The following FBXW7 variants were observed in gnomAD, a reference collection of about 807,000 sequenced individuals.
FBXW7 encodes F-box and WD repeat domain containing 7, also known as F-box/WD repeat-containing protein 7.
FBXW7 carries 11 observed loss-of-function variants against 86.3 expected under a neutral mutation model. That is an observed-to-expected ratio of 0.13 (90% confidence interval 0.08 to 0.21). The LOEUF is 0.21. Among genes scored for constraint, FBXW7 ranks in the 10% least tolerant of loss-of-function variants. The probability of loss-of-function intolerance (pLI) is 1.00; values close to 1 mark genes in which losing one functional copy is unlikely to be tolerated. For synonymous variants in FBXW7, 313 were observed against 297.9 expected, an observed-to-expected ratio of 1.05 and a Z score of -0.52; for missense variants, 488 against 847.4, an observed-to-expected ratio of 0.58 and a Z score of 5.27.
intron 6 of FBXW7, among the ~76,000 whole-genome samples, chr4:152,339,758 A>G (rs1730524559): frequency 1.3e-5 from 2 of 152,036 alleles, no homozygotes; most frequent in South Asian, 4.2e-4. Flanking sequence ...GCCTGGCAAC[A>G]TAACGAGACC....
intron 2 of FBXW7, among the ~76,000 whole-genome samples, chr4:152,439,941 C>T (rs1217621534): frequency 6.6e-6 from 1 of 151,454 alleles, no homozygotes. Context: ...TCCATATGTG[C>T]TGTTATGGGG....
intron 4 of FBXW7, among the ~76,000 whole-genome samples, chr4:152,405,379 G>C (rs1315763821): frequency 1.3e-5 from 2 of 152,126 alleles, no homozygotes; most frequent in Admixed American, 1.3e-4. Flanking sequence ...ACTTCGATTT[G>C]AAGGATATGG....
chr4:152,417,945 G>A (rs899767912), intron 2 of FBXW7, among the ~76,000 whole-genome samples: 15 of 152,190 alleles, frequency 9.9e-5, no homozygotes, highest in Admixed American at 3.9e-4. Context: ...GATTCCCTGC[G>A]CATCAAATCT....
At chr4:152,334,074 C>A (rs1382603384) in intron 7 of FBXW7, among the ~76,000 whole-genome samples, 1 of 152,008 alleles carries the variant, frequency 6.6e-6, no homozygotes, top group Non-Finnish European at 1.5e-5. Flanking sequence ...ACAACAACAA[C>A]AACAACAACT....
Position 152,411,726 on chromosome 4 carries a change from G to A in FBXW7, c.78C>T (p.Ser26=), listed in dbSNP as rs376591844. Residue 26 remains serine, a synonymous_variant, in exon 4 of 14, where the codon AGC becomes AGT. Coordinates refer to ENST00000281708, the MANE Select transcript of FBXW7 (RefSeq NM_001349798.2). ...GATTCATCTGTTCTTCATCTACCTG[G>A]CTTGAGGAAGGGTTACCTCTCAGAG... ...GGSLRGNPSS[S]QVDEEQMNRV... is the part of the protein sequence containing the mutation. 6.2e-7 allele frequency: 1 copy of A among 1,613,426 alleles called. No individual in the cohort carries two copies. Among genetic ancestry groups the A allele is most frequent in the Admixed American group, 1.7e-5 (1 of 59,882 alleles).
rs963091233 is a variant in FBXW7, at chr4:152,535,652, T to G, written c.-738A>C. 9 of 396,362 alleles carry G rather than the reference T, an allele frequency of 2.3e-5. No homozygotes were observed. Among genetic ancestry groups the G allele is most frequent in the African/African-American group, 1.7e-4 (8 of 48,464 alleles). 24.6% of individuals were successfully genotyped at this position (396,362 alleles called of 1,614,324 possible). On this transcript the variant is annotated 5_prime_UTR_variant, in exon 1 of 14. Transcript: ENST00000281708. ...CGCTCCCGGCTCCCGCATGTGTCGC[T>G]GCGGCTGGGACCCCCCTCCCTACAC... is the stretch of plus-strand genomic sequence containing the variant.
At chr4:152,483,755 A>G (rs1014251565) in intron 2 of FBXW7, among the ~76,000 whole-genome samples, 4 of 152,010 alleles carry the variant, frequency 2.6e-5, no homozygotes, top group African/African-American at 4.8e-5. Flanking sequence ...GTGTGTGTGC[A>G]CACACACACT....
At chr4:152,459,651 G>A (rs1424067997) in intron 2 of FBXW7, among the ~76,000 whole-genome samples, 1 of 152,110 alleles carries the variant, frequency 6.6e-6, no homozygotes, top group Non-Finnish European at 1.5e-5. Flanking sequence ...CCCCCCAGTG[G>A]ATGCTTGAAA....
At chr4:152,327,558 A>G (rs997877373) in intron 11 of FBXW7, among the ~76,000 whole-genome samples, 1 of 152,062 alleles carries the variant, frequency 6.6e-6, no homozygotes. Flanking sequence ...GAGAAAGTCA[A>G]AAAGTCCAGT....
At chr4:152,354,670 A>G (rs964514344) in intron 4 of FBXW7, among the ~76,000 whole-genome samples, 3 of 152,198 alleles carry the variant, frequency 2.0e-5, no homozygotes, top group Non-Finnish European at 4.4e-5. Context: ...CCTAAAGAAA[A>G]TATCTCTTAA....
intron 2 of FBXW7, among the ~76,000 whole-genome samples, chr4:152,523,576 T>C (rs1156895938): frequency 1.3e-5 from 2 of 152,162 alleles, no homozygotes; most frequent in Admixed American, 1.3e-4. Context: ...ATTTAAGTAG[T>C]AAGTCAAGGA....
At chr4:152,481,417 A>G (rs1744865158) in intron 2 of FBXW7, among the ~76,000 whole-genome samples, 1 of 152,208 alleles carries the variant, frequency 6.6e-6, no homozygotes, top group Non-Finnish European at 1.5e-5. Flanking sequence ...CAGAAGACTC[A>G]TGTTGTTTTC....
At chr4:152,486,947 C>T (rs1342524321) in intron 2 of FBXW7, among the ~76,000 whole-genome samples, 1 of 151,964 alleles carries the variant, frequency 6.6e-6, no homozygotes, top group African/African-American at 2.4e-5. Context: ...CGTCACTATG[C>T]GATAGAAATT....
intron 6 of FBXW7, among the ~76,000 whole-genome samples, chr4:152,342,139 A>G (rs754169431): frequency 4.6e-5 from 7 of 152,234 alleles, no homozygotes; most frequent in Non-Finnish European, 1.0e-4. Context: ...CAGGTTCAGA[A>G]GCAAATTTTA....
intron 2 of FBXW7, among the ~76,000 whole-genome samples, chr4:152,432,173 T>C (rs1238893844): frequency 6.6e-6 from 1 of 152,178 alleles, no homozygotes; most frequent in Non-Finnish European, 1.5e-5. Flanking sequence ...GTGAACTATG[T>C]GCTGACTTGG....
intron 2 of FBXW7, among the ~76,000 whole-genome samples, chr4:152,463,732 G>C (rs1206363414): frequency 6.6e-6 from 1 of 152,144 alleles, no homozygotes; most frequent in Non-Finnish European, 1.5e-5. Context: ...AGGTCACTAA[G>C]AAAAATGTGG....
chr4:152,328,741 G>A (rs1233017277), intron 10 of FBXW7: 2 of 161,122 alleles, frequency 1.2e-5, no homozygotes, highest in Non-Finnish European at 2.7e-5. Context: ...TTCTTCCATG[G>A]GAATAGATTC....
chr4:152,522,163 T>C (rs1040486315), intron 2 of FBXW7, among the ~76,000 whole-genome samples: 2 of 152,190 alleles, frequency 1.3e-5, no homozygotes, highest in Non-Finnish European at 2.9e-5. Context: ...ATACTTGTTT[T>C]TTAAGTGTAC....
chr4:152,435,641 T>C (rs1433540312), intron 2 of FBXW7, among the ~76,000 whole-genome samples: 4 of 152,252 alleles, frequency 2.6e-5, no homozygotes, highest in Admixed American at 2.6e-4. Context: ...TACTTGTCAG[T>C]GCTCTTCTGA....
Sources: gnomAD v4.1 joint callset for allele counts (sites outside exome capture counted in the v4.1 genomes callset) on GRCh38, gnomAD v4.1.1 for gene constraint, MANE v1.5 for transcripts, NCBI Gene and HGNC (gene_info 2026-07-23, HGNC 2026-07-21) for gene names.